ADGRL2: variants seen among roughly 807,000 people sequenced by gnomAD.
ADGRL2 encodes the protein calcium-independent alpha-latrotoxin receptor 2.
A neutral mutation model predicts 157.4 loss-of-function variants in ADGRL2; 44 were observed. The ratio of observed to expected loss-of-function variants is 0.28; its 90% CI spans 0.22 to 0.36. The LOEUF (loss-of-function observed/expected upper bound fraction) is 0.36. ADGRL2 is among the 10% of genes least tolerant of loss of function. ADGRL2 has a pLI of 1.00. For missense variants in ADGRL2, 1,510 were observed against 1,768.9 expected, an observed-to-expected ratio of 0.85 and a Z score of 2.63; for synonymous variants, 585 against 624.7, an observed-to-expected ratio of 0.94 and a Z score of 0.95.
At chr1:81,389,733 A>T (rs2076500102) in intron 1 of ADGRL2, among the ~76,000 whole-genome samples, 1 of 152,282 alleles carries the variant, frequency 6.6e-6, no homozygotes, top group East Asian at 1.9e-4. Context: ...TGTTTATCTA[A>T]AATACAAAAT....
At chr1:81,489,383 C>T (rs4650560) in intron 2 of ADGRL2, among the ~76,000 whole-genome samples, 42,387 of 151,972 alleles carry the variant, frequency 0.28, 6,367 homozygotes, top group East Asian at 0.56. Context: ...AATCAGCAAA[C>T]TTGAAGACAG....
chr1:81,963,702 A>G (rs1371227550), intron 11 of ADGRL2, among the ~76,000 whole-genome samples: 2 of 151,474 alleles, frequency 1.3e-5, no homozygotes, highest in South Asian at 2.1e-4. Context: ...ATTAATTTCT[A>G]TATGCTTTTT....
rs199562581 is a variant in ADGRL2 at position 81,593,295 on chromosome 1, C to T, written c.-143+12315C>T. ...CGCTCACTATTAAATAGTGTAATAA[C>T]AATCACCCTAGAGACGAGCTGCTTC... is the stretch of plus-strand genomic sequence containing the variant. On this transcript the variant is annotated intron_variant, in intron 3 of 24. Transcript: ENST00000370721. 7.9e-5 allele frequency among the ~76,000 whole-genome samples: 12 copies of T among 152,264 alleles called. No individual in the cohort carries two copies. In the East Asian group the frequency reaches 2.1e-3, roughly 27 times the overall value.
intron 1 of ADGRL2, among the ~76,000 whole-genome samples, chr1:81,804,146 G>T (rs1371263522): frequency 1.3e-5 from 2 of 152,090 alleles, no homozygotes; most frequent in African/African-American, 4.8e-5. Context: ...TTTAAATTTT[G>T]TATCTTCGTA....
At chr1:81,809,653 G>A (rs2149629209) in intron 1 of ADGRL2, among the ~76,000 whole-genome samples, 1 of 151,970 alleles carries the variant, frequency 6.6e-6, no homozygotes, top group East Asian at 1.9e-4. Flanking sequence ...GCTTAATTTT[G>A]CTATTTTCAA....
intron 1 of ADGRL2, among the ~76,000 whole-genome samples, chr1:81,730,462 C>A (rs551132101): frequency 3.5e-4 from 53 of 152,248 alleles, no homozygotes; most frequent in Non-Finnish European, 6.8e-4. Flanking sequence ...GGCACAGTGG[C>A]TTATGCCTGT....
intron 1 of ADGRL2, among the ~76,000 whole-genome samples, chr1:81,400,696 A>G (rs545632366): frequency 6.6e-6 from 1 of 152,268 alleles, no homozygotes; most frequent in East Asian, 1.9e-4. Flanking sequence ...AGCAGCAGCA[A>G]GTACCCCAGA....
intron 1 of ADGRL2, among the ~76,000 whole-genome samples, chr1:81,444,203 A>G (rs954492786): frequency 3.9e-5 from 6 of 152,256 alleles, no homozygotes; most frequent in African/African-American, 1.4e-4. Flanking sequence ...ATCACTGGCA[A>G]CTGATACTAA....
At chr1:81,378,042 G>A (rs1489745672) in intron 1 of ADGRL2, among the ~76,000 whole-genome samples, 1 of 152,096 alleles carries the variant, frequency 6.6e-6, no homozygotes, top group Non-Finnish European at 1.5e-5. Context: ...AGCTGGGCGT[G>A]GTGGTGCACA....
chr1:81,638,418 C>T (rs903297218), intron 3 of ADGRL2, among the ~76,000 whole-genome samples: 1 of 152,102 alleles, frequency 6.6e-6, no homozygotes, highest in African/African-American at 2.4e-5. Context: ...TAACAGATAA[C>T]AGTTTGTTCA....
At chr1:81,683,004 G>T (rs1247716224) in intron 3 of ADGRL2, among the ~76,000 whole-genome samples, 1 of 152,138 alleles carries the variant, frequency 6.6e-6, no homozygotes, top group African/African-American at 2.4e-5. Context: ...ATGGTGGCAG[G>T]CACCTGTAAT....
At chr1:81,829,341 T>A (rs2150054589) in intron 1 of ADGRL2, among the ~76,000 whole-genome samples, 1 of 152,334 alleles carries the variant, frequency 6.6e-6, no homozygotes, top group Admixed American at 6.5e-5. Context: ...TATTTAGAAA[T>A]AATTGGTATA....
intron 2 of ADGRL2, among the ~76,000 whole-genome samples, chr1:81,526,897 T>G (rs1004816230): frequency 1.3e-5 from 2 of 152,226 alleles, no homozygotes; most frequent in African/African-American, 4.8e-5. Flanking sequence ...CTCCTTATAC[T>G]GCTATGATGC....
chr1:81,776,756 G>A (rs1299701912), intron 2 of ADGRL2, among the ~76,000 whole-genome samples: 1 of 152,154 alleles, frequency 6.6e-6, no homozygotes. Context: ...TAGAGGATAA[G>A]TTAACAGGAA....
intron 2 of ADGRL2, among the ~76,000 whole-genome samples, chr1:81,771,573 T>C (rs770737208): frequency 9.2e-5 from 14 of 152,208 alleles, no homozygotes; most frequent in Admixed American, 6.5e-5. Flanking sequence ...TGAAAATTCA[T>C]GATCATAAAC....
At chr1:81,332,551 G>T (rs185869613) in intron 1 of ADGRL2, among the ~76,000 whole-genome samples, 1 of 152,070 alleles carries the variant, frequency 6.6e-6, no homozygotes, top group Non-Finnish European at 1.5e-5. Context: ...CCTCCTCATG[G>T]AAATACAATT....
At chr1:81,941,954 C>T in intron 4 of ADGRL2, 80 bp from the exon 5 acceptor site, 1 of 694,120 alleles carries the variant, frequency 1.4e-6, no homozygotes, top group South Asian at 1.6e-5. Context: ...CAGTCTTAGA[C>T]TAATAGTCAA....
chr1:81,573,447 G>A (rs913633880), intron 2 of ADGRL2, among the ~76,000 whole-genome samples: 4 of 151,906 alleles, frequency 2.6e-5, no homozygotes, highest in Admixed American at 1.3e-4. Flanking sequence ...CCTTCTCAAT[G>A]ACATAGGTCT....
intron 6 of ADGRL2, among the ~76,000 whole-genome samples, chr1:81,947,502 T>C: frequency 6.6e-6 from 1 of 152,182 alleles, no homozygotes; most frequent in East Asian, 1.9e-4. Flanking sequence ...TCAGTTTCCT[T>C]ATCTGTAAAA....
Sources: allele counts gnomAD v4.1 joint callset (sites outside exome capture counted in the v4.1 genomes callset), GRCh38; gene constraint gnomAD v4.1.1; transcripts MANE v1.5; gene names NCBI Gene and HGNC (gene_info 2026-07-23, HGNC 2026-07-21).